ZNF461: variants seen among roughly 807,000 people sequenced by gnomAD.
ZNF461 encodes the protein zinc finger protein 461, also known as gonadotropin-inducible ovarian transcription factor-1.
ZNF461 carries 16 observed loss-of-function variants against 18.3 expected under a neutral mutation model. The observed-to-expected ratio is 0.88, with a 90% CI of 0.59 to 1.33. The LOEUF (loss-of-function observed/expected upper bound fraction) is 1.33. ZNF461 is among the 40% of genes most tolerant of loss of function. The pLI, the probability that ZNF461 is intolerant of heterozygous loss-of-function variation, is 0.00. For missense variants in ZNF461, 595 were observed against 669.9 expected (o/e 0.89, Z 1.23); for synonymous variants, 179 against 216.9 (o/e 0.83, Z 1.54).
rs2037761244 is a variant in ZNF461 at position 36,658,367 on chromosome 19, A to C, written c.68T>G (p.Leu23Arg). The C allele has an allele frequency of 1.2e-6, 2 of 1,611,714 alleles. No homozygotes were observed. Among genetic ancestry groups the C allele is most frequent in the Non-Finnish European group, 1.7e-6 (2 of 1,178,716 alleles). ...IDVSQEEWEC[L>R]NPAQRNLYKE... The stretch of plus-strand genomic sequence containing the variant: ...GTACAAATTCCTCTGCGCTGGGTTC[A>C]GGCATTCCCATTCCTCCTGAGAGAC... Residue 23 changes from leucine to arginine, a missense_variant, in exon 3 of 6, where the codon CTG becomes CGG. Leu to Arg is a moderately radical substitution (Grantham distance 102, BLOSUM62 -2). Coordinates refer to ENST00000588268, the MANE Select transcript of ZNF461 (RefSeq NM_153257.5).
chr19:36,659,470 A>C (rs1267742734), intron 2 of ZNF461, among the ~76,000 whole-genome samples: 1 of 152,224 alleles, frequency 6.6e-6, no homozygotes, highest in Non-Finnish European at 1.5e-5. Flanking sequence ...ACAGGGTCTC[A>C]CTATATTTCC....
chr19:36,639,345 A>G lies in ZNF461; in HGVS notation c.1000T>C (p.Cys334Arg), dbSNP rs1050839906. ...AAGCCACGAATAAAAGCCTTCCCAC[A>G]TTGCTTACATTCATAGGGTTTTTCA... ...TGEKPYECKQ[C>R]GKAFIRGFQL... is the part of the protein sequence containing the mutation. Residue 334 changes from cysteine to arginine, a missense_variant, in exon 6 of 6, where the codon TGT becomes CGT. By Grantham distance (180) the Cys-to-Arg change is radical. Coordinates refer to ENST00000588268, the MANE Select transcript of ZNF461 (RefSeq NM_153257.5). 1.9e-6 allele frequency: 3 copies of G among 1,613,838 alleles called. No individual in the cohort carries two copies. The highest frequency in any genetic ancestry group is 1.7e-6 in the Non-Finnish European group (2 of 1,179,992).
chr19:36,652,321 G>A (rs1283066885), intron 4 of ZNF461, among the ~76,000 whole-genome samples: 5 of 147,408 alleles, frequency 3.4e-5, no homozygotes, highest in East Asian at 2.0e-4. Flanking sequence ...GTGAAACCCC[G>A]CCTCTACTAA....
At chr19:36,642,764 G>T (rs1197971327) in intron 5 of ZNF461, among the ~76,000 whole-genome samples, 1 of 150,526 alleles carries the variant, frequency 6.6e-6, no homozygotes, top group African/African-American at 2.5e-5. Flanking sequence ...TTTTGGTGGG[G>T]GGGGGTGGGG....
Position 36,638,852 on chromosome 19 carries a change from T to G in ZNF461, c.1493A>C (p.Glu498Ala), listed in dbSNP as rs1446652981. ...AAAGGCCTTCCCACATTCCTTACAT[T>G]CATAGGGTTTCTCACCAGTATGAAT... is the stretch of plus-strand genomic sequence containing the variant. Reference protein sequence around the residue: ...QRIHTGEKPYECKECGKAFSY... With the variant: ...QRIHTGEKPYACKECGKAFSY... The change falls in exon 6 of 6, where the codon GAA becomes GCA. Residue 498 changes from glutamate to alanine, a missense_variant. Transcript: ENST00000588268. 1 of 1,613,930 alleles carries G rather than the reference T, an allele frequency of 6.2e-7. No individual in the cohort carries two copies. Among genetic ancestry groups the G allele is most frequent in the Admixed American group, 1.7e-5 (1 of 59,990 alleles).
intron 2 of ZNF461, among the ~76,000 whole-genome samples, chr19:36,660,272 C>T (rs1179960303): frequency 1.3e-5 from 2 of 151,476 alleles, no homozygotes; most frequent in Non-Finnish European, 2.9e-5. Flanking sequence ...GCCTCAGCCT[C>T]CCGAGTAGCT....
chr19:36,642,388 T>C (rs1013965313), intron 5 of ZNF461, among the ~76,000 whole-genome samples: 1 of 152,104 alleles, frequency 6.6e-6, no homozygotes, highest in Non-Finnish European at 1.5e-5. Context: ...TGAGGAAATA[T>C]GTAAAGCTTG....
At chr19:36,643,771 T>C (rs1204614916) in intron 5 of ZNF461, 23 bp downstream of exon 5, 4 of 1,512,946 alleles carry the variant, frequency 2.6e-6, no homozygotes, top group Non-Finnish European at 3.5e-6. Flanking sequence ...TACTGTACTC[T>C]TAAAAACTGT....
In ZNF461 at chr19:36,638,763, C is replaced by G. The variant is rs371711829; in HGVS notation, c.1582G>C (p.Gly528Arg). 9.3e-6 allele frequency: 15 copies of G among 1,614,142 alleles called. No individual in the cohort carries two copies. Among genetic ancestry groups the G allele is most frequent in the Non-Finnish European group, 1.2e-5 (14 of 1,180,014 alleles). Residue 528 changes from glycine to arginine, a missense_variant, in exon 6 of 6, where the codon GGG becomes CGG. By Grantham distance (125) the Gly-to-Arg change is moderately radical. Coordinates refer to ENST00000588268, the MANE Select transcript of ZNF461 (RefSeq NM_153257.5). ...IHSGKKPYQC[G>R]KAFNHRLQLN... Reference sequence around the variant, plus strand: ...TGTAATCTATGATTAAACGCCTTCCCGCATTGATAAGGTTTCTTTCCAGAA... The same window carrying G: ...TGTAATCTATGATTAAACGCCTTCCGGCATTGATAAGGTTTCTTTCCAGAA...
At chr19:36,656,236 C>T (rs898302349) in intron 4 of ZNF461, among the ~76,000 whole-genome samples, 4 of 152,276 alleles carry the variant, frequency 2.6e-5, no homozygotes, top group South Asian at 4.1e-4. Context: ...CTGCCCGCCT[C>T]GGCCTCCCAA....
At position 36,664,713 on chromosome 19, in the gene ZNF461, T is replaced by G; in HGVS notation, c.-7A>C. On this transcript the variant is annotated 5_prime_UTR_variant, in exon 2 of 6. Transcript: ENST00000588268. Reference sequence around the variant, plus strand: ...ACCAACTTACATGGGCCATGTCTTATTTTAGAATTGAATGTATTATTTAAT... The same window carrying G: ...ACCAACTTACATGGGCCATGTCTTAGTTTAGAATTGAATGTATTATTTAAT... 6.7e-7 allele frequency: 1 copy of G among 1,502,444 alleles called. No individual in the cohort carries two copies. Among genetic ancestry groups the G allele is most frequent in the Non-Finnish European group, 8.8e-7 (1 of 1,131,594 alleles). 93.1% of individuals were successfully genotyped at this position (1,502,444 alleles called of 1,614,324 possible).
In ZNF461 at chr19:36,664,709, C is replaced by A; in HGVS notation, c.-3G>T. ...AAAAACCAACTTACATGGGCCATGT[C>A]TTATTTTAGAATTGAATGTATTATT... On this transcript the variant is annotated 5_prime_UTR_variant, in exon 2 of 6. Coordinates refer to ENST00000588268, the MANE Select transcript of ZNF461 (RefSeq NM_153257.5). 6.7e-7 allele frequency: 1 copy of A among 1,503,170 alleles called. No homozygotes were observed. The highest frequency in any genetic ancestry group is 8.8e-7 in the Non-Finnish European group (1 of 1,132,344). The allele number at this position is 1,503,170 out of a possible 1,614,324, so 93.1% of individuals were successfully genotyped here.
chr19:36,655,359 T>C (rs1400281749), intron 4 of ZNF461, among the ~76,000 whole-genome samples: 3 of 152,144 alleles, frequency 2.0e-5, no homozygotes, highest in Non-Finnish European at 4.4e-5. Flanking sequence ...ATCCTAGCAC[T>C]TTCAGAGGCT....
At chr19:36,653,656 A>C (rs976607735) in intron 4 of ZNF461, among the ~76,000 whole-genome samples, 18 of 152,154 alleles carry the variant, frequency 1.2e-4, no homozygotes, top group African/African-American at 2.7e-4. Context: ...AAACCATCAG[A>C]TCTTGTGACA....
chr19:36,658,587 C>T (rs1041631631), intron 2 of ZNF461, 162 bp from the exon 3 acceptor site: 14 of 638,528 alleles, frequency 2.2e-5, no homozygotes, highest in Non-Finnish European at 3.4e-5. Context: ...GTGACTGAAG[C>T]GGAGTGCCCA....
intron 2 of ZNF461, among the ~76,000 whole-genome samples, chr19:36,662,610 C>T (rs1315808108): frequency 2.0e-5 from 3 of 152,158 alleles, no homozygotes; most frequent in Non-Finnish European, 4.4e-5. Flanking sequence ...GCAATGCTAT[C>T]ATTGATTACT....
rs776334362 is a variant in ZNF461 at position 36,639,086 on chromosome 19, TTCCCACA to T, written c.1252_1258del (p.Cys418ArgfsTer9). 1.7e-5 allele frequency: 28 copies of T among 1,613,568 alleles called. No individual in the cohort carries two copies. In the African/African-American group the frequency reaches 3.7e-4, roughly 22 times the overall value. ...TAGTTGTAAGCCATCACAAAAAGCCTTCCCACATTCATGACATTCATAAGGTTTCTTG... is the reference window on the plus strand; with the variant it reads ...TAGTTGTAAGCCATCACAAAAAGCCTTTCATGACATTCATAAGGTTTCTTG... On this transcript the variant is annotated frameshift_variant, in exon 6 of 6. Coordinates refer to ENST00000588268, the MANE Select transcript of ZNF461 (RefSeq NM_153257.5). LOFTEE classifies it low-confidence loss of function (END_TRUNC).
Position 36,637,969 on chromosome 19 carries a change from T to C in ZNF461, c.*684A>G. 1 of 311,600 alleles carries C rather than the reference T, an allele frequency of 3.2e-6. No homozygotes were observed. Among genetic ancestry groups the C allele is most frequent in the Non-Finnish European group, 6.3e-6 (1 of 159,060 alleles). The allele number at this position is 311,600 out of a possible 1,614,324, so 19.3% of individuals were successfully genotyped here. On this transcript the variant is annotated 3_prime_UTR_variant, in exon 6 of 6. Transcript: ENST00000588268. ...AATTTAGAAGATTTTAAAAAATAAA[T>C]GTAATGTCAAAATATATACGCCAGA...
chr19:36,641,841 T>C (rs1025115366), intron 5 of ZNF461, among the ~76,000 whole-genome samples: 4 of 152,106 alleles, frequency 2.6e-5, no homozygotes, highest in African/African-American at 9.7e-5. Flanking sequence ...AAATAAACCA[T>C]GTACTTGCTT....
Sources: gnomAD v4.1 joint callset for allele counts (sites outside exome capture counted in the v4.1 genomes callset) on GRCh38, gnomAD v4.1.1 for gene constraint, MANE v1.5 for transcripts, NCBI Gene and HGNC (gene_info 2026-07-23, HGNC 2026-07-21) for gene names.